ABI3BP: variants seen among roughly 807,000 people sequenced by gnomAD.
The protein encoded by ABI3BP is target of Nesh-SH3.
ABI3BP carries 216 observed loss-of-function variants against 268.6 expected under a neutral mutation model. The observed-to-expected ratio is 0.80, with a 90% CI of 0.72 to 0.90. The LOEUF is 0.90. Ranked by LOEUF, ABI3BP falls within the 40% of genes least tolerant of loss-of-function variation. ABI3BP has a pLI of 0.00. For synonymous variants in ABI3BP, 730 were observed against 730.0 expected (o/e 1.00, Z 0.00); for missense variants, 2,090 against 2,182.4 (o/e 0.96, Z 0.84).
chr3:100,753,357 C>T (rs988171431), intron 65 of ABI3BP, among the ~76,000 whole-genome samples: 3 of 151,726 alleles, frequency 2.0e-5, no homozygotes, highest in African/African-American at 7.3e-5. Flanking sequence ...TGGATAATGG[C>T]TCACTGTAGC....
At chr3:100,870,914 T>A (rs530997575) in intron 9 of ABI3BP, among the ~76,000 whole-genome samples, 1 of 152,208 alleles carries the variant, frequency 6.6e-6, no homozygotes, top group Non-Finnish European at 1.5e-5. Context: ...GAGGATATTA[T>A]GCTAAATGAT....
intron 59 of ABI3BP, among the ~76,000 whole-genome samples, chr3:100,776,387 C>T (rs1383166979): frequency 6.6e-6 from 1 of 152,166 alleles, no homozygotes; most frequent in Non-Finnish European, 1.5e-5. Context: ...GCACTGCAGT[C>T]CACAAGGGCT....
intron 1 of ABI3BP, among the ~76,000 whole-genome samples, chr3:100,967,910 A>T (rs2081982557): frequency 6.6e-6 from 1 of 152,184 alleles, no homozygotes; most frequent in Non-Finnish European, 1.5e-5. Flanking sequence ...AAAACAATGC[A>T]TGCCTATGTG....
chr3:100,816,587 A>T, intron 43 of ABI3BP, 101 bp downstream of exon 43: 1 of 921,606 alleles, frequency 1.1e-6, no homozygotes. Flanking sequence ...AAACATGATG[A>T]CTGTTACTTC....
chr3:100,776,273 C>A (rs1274252122), intron 59 of ABI3BP, among the ~76,000 whole-genome samples: 1 of 152,148 alleles, frequency 6.6e-6, no homozygotes, highest in Non-Finnish European at 1.5e-5. Context: ...GGAATCAGGG[C>A]TGAGTAGTCA....
intron 62 of ABI3BP, 50 bp from the exon 63 acceptor site, chr3:100,765,999 C>G (rs114127233): frequency 7.2e-7 from 1 of 1,383,698 alleles, no homozygotes; most frequent in Non-Finnish European, 1.0e-6. Flanking sequence ...TCTTGGCTGA[C>G]TTAATTGCTC....
rs759795636 is a variant in ABI3BP at position 100,778,250 on chromosome 3, A to T, written c.4333+34T>A. 4 of 1,600,908 alleles carry T rather than the reference A, an allele frequency of 2.5e-6. No homozygotes were observed. The African/African-American group carries it at 5.4e-5, about 21-fold the overall frequency. On this transcript the variant is annotated intron_variant, in intron 59 of 67. Transcript: ENST00000471714. ...TATGTTGGCTAGTAAAACCGAAATCATGGCGGGAAAAGGAAGGTACATGAC... is the reference window on the plus strand; with the variant it reads ...TATGTTGGCTAGTAAAACCGAAATCTTGGCGGGAAAAGGAAGGTACATGAC...
At chr3:100,813,858 T>C (rs2097924358) in intron 44 of ABI3BP, 123 bp from the exon 45 acceptor site, 2 of 780,284 alleles carry the variant, frequency 2.6e-6, no homozygotes, top group African/African-American at 3.4e-5. Flanking sequence ...TGGAGAGCCA[T>C]ACAGAATGTG....
chr3:100,790,302 C>A (rs2097163031), intron 55 of ABI3BP, among the ~76,000 whole-genome samples: 1 of 151,944 alleles, frequency 6.6e-6, no homozygotes, highest in South Asian at 2.1e-4. Flanking sequence ...TCCTGGAATT[C>A]ATCTATTCCA....
chr3:100,964,886 C>T (rs959953582), intron 1 of ABI3BP, among the ~76,000 whole-genome samples: 2 of 152,218 alleles, frequency 1.3e-5, no homozygotes, highest in African/African-American at 2.4e-5. Flanking sequence ...AGCCTCTCTT[C>T]TTTAAAGCTT....
chr3:100,950,160 T>C (rs141848084), intron 1 of ABI3BP, among the ~76,000 whole-genome samples: 473 of 152,310 alleles, frequency 3.1e-3, no homozygotes, highest in African/African-American at 0.011. Context: ...TCATTCTATA[T>C]AGATGCTGTT....
At chr3:100,865,957 G>T (rs2099047444) in intron 10 of ABI3BP, among the ~76,000 whole-genome samples, 1 of 152,148 alleles carries the variant, frequency 6.6e-6, no homozygotes, top group African/African-American at 2.4e-5. Context: ...GGGATGAAAG[G>T]TTCATCTCTT....
intron 15 of ABI3BP, among the ~76,000 whole-genome samples, chr3:100,851,539 C>G (rs909883735): frequency 2.2e-4 from 33 of 152,296 alleles, no homozygotes; most frequent in Non-Finnish European, 2.2e-4. Context: ...AATTACCCCC[C>G]ATTTGAGAAC....
chr3:100,780,331 A>C, intron 57 of ABI3BP, 122 bp from the exon 58 acceptor site: 1 of 862,124 alleles, frequency 1.2e-6, no homozygotes, highest in Non-Finnish European at 1.8e-6. Flanking sequence ...TTTTTATGCC[A>C]AGACATTTTA....
chr3:100,905,162 C>CA lies in ABI3BP; in HGVS notation c.260-2477dup, dbSNP rs538715335. Among the ~76,000 whole-genome samples, 104 of 151,830 alleles carry CA rather than the reference C, an allele frequency of 6.8e-4. 1 individual carries two copies. Among genetic ancestry groups the CA allele is most frequent in the African/African-American group, 2.0e-3 (82 of 41,346 alleles). ...CATTCTCAGCAAACTATCGCAAGGACAAAAAACCAAACACCGCATGTTCTC... is the reference window on the plus strand; with the variant it reads ...CATTCTCAGCAAACTATCGCAAGGACAAAAAAACCAAACACCGCATGTTCTC... On this transcript the variant is annotated intron_variant, in intron 2 of 67. Transcript: ENST00000471714.
intron 41 of ABI3BP, among the ~76,000 whole-genome samples, chr3:100,817,698 C>T (rs1407191103): frequency 2.0e-5 from 3 of 152,170 alleles, no homozygotes; most frequent in Non-Finnish European, 2.9e-5. Flanking sequence ...GTCAACAAAA[C>T]ATTCTCCTAG....
chr3:100,789,644 C>A, intron 55 of ABI3BP, 128 bp from the exon 56 acceptor site: 1 of 812,830 alleles, frequency 1.2e-6, no homozygotes. Context: ...CAGAAAATTC[C>A]CATTATGCAT....
chr3:100,940,881 T>C (rs2068851889), intron 1 of ABI3BP, among the ~76,000 whole-genome samples: 1 of 122,408 alleles, frequency 8.2e-6, no homozygotes, highest in Non-Finnish European at 1.7e-5. Flanking sequence ...AAAGCAATTC[T>C]GGACTTTTGT....
chr3:100,775,330 T>G lies in ABI3BP; in HGVS notation c.4339A>C (p.Ile1447Leu). The G allele has an allele frequency of 6.2e-7, 1 of 1,603,674 alleles. No homozygotes were observed. Among genetic ancestry groups the G allele is most frequent in the Non-Finnish European group, 8.5e-7 (1 of 1,174,528 alleles). Residue 1447 changes from isoleucine (I) to leucine (L), a missense_variant, in exon 60 of 68, where the codon ATT becomes CTT. Transcript: ENST00000471714. ...GGTGTAGTTATTGGGCCTGATGAAA[T>G]GATTCCTGTAAAGTAGAGCCAAAGT... ...VTGKPGSAGIISSGPITTPPL... is the reference protein window; with the variant it reads ...VTGKPGSAGILSSGPITTPPL...
Sources: gnomAD v4.1 joint callset for allele counts (sites outside exome capture counted in the v4.1 genomes callset) on GRCh38, gnomAD v4.1.1 for gene constraint, MANE v1.5 for transcripts, NCBI Gene and HGNC (gene_info 2026-07-23, HGNC 2026-07-21) for gene names.